The following GOLIM4 variants were observed in gnomAD, a reference collection of about 807,000 sequenced individuals.
GOLIM4 encodes golgi integral membrane protein 4, also known as 130 kDa golgi-localized phosphoprotein.
In GOLIM4, 71 loss-of-function variants were observed where a neutral mutation model predicts 107.4. The ratio of observed to expected loss-of-function variants is 0.66; its 90% confidence interval spans 0.55 to 0.81. GOLIM4 has a LOEUF of 0.81. Among genes scored for constraint, GOLIM4 ranks in the 30% least tolerant of loss-of-function variants. The probability of loss-of-function intolerance (pLI) is 0.00; values close to 1 mark genes in which losing one functional copy is unlikely to be tolerated. For missense variants in GOLIM4, 830 were observed against 826.1 expected (o/e 1.00, Z -0.06); for synonymous variants, 327 against 294.8 (o/e 1.11, Z -1.12).
intron 1 of GOLIM4, among the ~76,000 whole-genome samples, chr3:168,054,627 A>G (rs1443653192): frequency 6.7e-6 from 1 of 150,196 alleles, no homozygotes; most frequent in Non-Finnish European, 1.5e-5. Flanking sequence ...TAATTTATTA[A>G]TTATAAAATA....
At chr3:168,063,365 A>C (rs989182092) in intron 1 of GOLIM4, among the ~76,000 whole-genome samples, 1 of 152,190 alleles carries the variant, frequency 6.6e-6, no homozygotes, top group African/African-American at 2.4e-5. Context: ...TTTGGGATGA[A>C]AGTGAAAGTA....
At chr3:168,084,364 C>A (rs564795379) in intron 1 of GOLIM4, among the ~76,000 whole-genome samples, 89 of 152,288 alleles carry the variant, frequency 5.8e-4, no homozygotes, top group African/African-American at 2.1e-3. Flanking sequence ...TGAGAACAGA[C>A]TAATACACTT....
At chr3:168,088,485 CA>C (rs1220762051) in intron 1 of GOLIM4, among the ~76,000 whole-genome samples, 1 of 152,104 alleles carries the variant, frequency 6.6e-6, no homozygotes, top group Non-Finnish European at 1.5e-5. Flanking sequence ...ATTGCTAACC[CA>C]AATTAAAACA....
At position 168,030,009 on chromosome 3, in the gene GOLIM4, T is replaced by C. The variant is rs758411286; in HGVS notation, c.1204A>G (p.Lys402Glu). 5 of 1,614,174 alleles carry C rather than the reference T, an allele frequency of 3.1e-6. No homozygotes were observed. The highest frequency in any genetic ancestry group is 2.5e-6 in the Non-Finnish European group (3 of 1,180,012). Residue 402 changes from lysine to glutamate, a missense_variant, in exon 10 of 16, where the codon AAA (lysine) becomes GAA (glutamate). Physicochemically the swap from Lys to Glu is moderately conservative, Grantham distance 56. Coordinates refer to ENST00000470487, the MANE Select transcript of GOLIM4 (RefSeq NM_014498.5). ...EVYPSAKPMI[K>E]FQSPYEEQLE... ...TGTTCCTCATAGGGTGATTGGAATT[T>C]GATCATTGGCTTGGCTGAAGGGTAC...
intron 12 of GOLIM4, 35 bp downstream of exon 12, chr3:168,027,693 T>C: frequency 8.1e-7 from 1 of 1,228,974 alleles, no homozygotes; most frequent in East Asian, 2.3e-5. Flanking sequence ...CCTTATGAGT[T>C]TACATGTGTC....
chr3:168,082,197 T>A (rs532339673), intron 1 of GOLIM4, among the ~76,000 whole-genome samples: 4 of 152,168 alleles, frequency 2.6e-5, no homozygotes, highest in Non-Finnish European at 5.9e-5. Flanking sequence ...AGGACGTTCA[T>A]GAACCACCCC....
chr3:168,049,130 G>A (rs539194152), intron 1 of GOLIM4, among the ~76,000 whole-genome samples: 1 of 152,128 alleles, frequency 6.6e-6, no homozygotes, highest in Non-Finnish European at 1.5e-5. Flanking sequence ...ATCCAGAGTC[G>A]CCTGGTGAGC....
intron 1 of GOLIM4, 56 bp downstream of exon 1, chr3:168,095,043 G>T: frequency 7.2e-7 from 1 of 1,395,950 alleles, no homozygotes; most frequent in Non-Finnish European, 1.0e-6. Context: ...TTTCCTGCCC[G>T]GGTGGAGGCG....
chr3:168,025,615 G>GAAA (rs990743395), intron 12 of GOLIM4, among the ~76,000 whole-genome samples: 1 of 152,132 alleles, frequency 6.6e-6, no homozygotes, highest in African/African-American at 2.4e-5. Context: ...AAGGAGACAA[G>GAAA]AAAAAGGCTA....
At chr3:168,053,975 G>C (rs1450271764) in intron 1 of GOLIM4, among the ~76,000 whole-genome samples, 1 of 152,192 alleles carries the variant, frequency 6.6e-6, no homozygotes, top group East Asian at 1.9e-4. Context: ...CCAGTGCCCA[G>C]AAGTAGGGAA....
chr3:168,058,026 T>C (rs1720072906), intron 1 of GOLIM4, among the ~76,000 whole-genome samples: 1 of 152,184 alleles, frequency 6.6e-6, no homozygotes, highest in Non-Finnish European at 1.5e-5. Flanking sequence ...TATGTTGGTG[T>C]GTAGGCTCAC....
At chr3:168,087,813 G>A (rs1049789882) in intron 1 of GOLIM4, among the ~76,000 whole-genome samples, 4 of 152,210 alleles carry the variant, frequency 2.6e-5, no homozygotes, top group Non-Finnish European at 4.4e-5. Flanking sequence ...TCAGATTAAA[G>A]TGCTAGTGTC....
chr3:168,068,745 C>T (rs1361446208), intron 1 of GOLIM4, among the ~76,000 whole-genome samples: 1 of 151,894 alleles, frequency 6.6e-6, no homozygotes, highest in East Asian at 1.9e-4. Context: ...AGAATAAACA[C>T]TAAAATTTTA....
intron 12 of GOLIM4, among the ~76,000 whole-genome samples, chr3:168,026,601 A>T (rs1465738558): frequency 6.6e-6 from 1 of 152,192 alleles, no homozygotes; most frequent in Non-Finnish European, 1.5e-5. Flanking sequence ...TTCCCAAACA[A>T]GTGACTGAAA....
intron 14 of GOLIM4, among the ~76,000 whole-genome samples, chr3:168,020,463 G>A (rs1381327735): frequency 2.6e-5 from 4 of 152,164 alleles, no homozygotes; most frequent in South Asian, 2.1e-4. Flanking sequence ...TAACAGATAA[G>A]ATCAAAATCT....
intron 8 of GOLIM4, among the ~76,000 whole-genome samples, chr3:168,033,332 G>A (rs764991266): frequency 3.3e-4 from 50 of 152,114 alleles, no homozygotes; most frequent in Admixed American, 7.9e-4. Context: ...TTGGCCGGGC[G>A]CGGTGGCTCA....
chr3:168,042,820 T>C (rs141800972), intron 5 of GOLIM4, among the ~76,000 whole-genome samples: 88 of 152,356 alleles, frequency 5.8e-4, no homozygotes, highest in African/African-American at 2.0e-3. Context: ...GATATTTTTA[T>C]GATTATCTCA....
chr3:168,085,420 T>C (rs762326800), intron 1 of GOLIM4, among the ~76,000 whole-genome samples: 3 of 152,196 alleles, frequency 2.0e-5, no homozygotes, highest in Non-Finnish European at 2.9e-5. Flanking sequence ...AAGCCCAAAG[T>C]AGAGAAGACT....
intron 5 of GOLIM4, 114 bp downstream of exon 5, chr3:168,043,265 A>T: frequency 1.4e-6 from 1 of 706,152 alleles, no homozygotes; most frequent in Non-Finnish European, 2.3e-6. Flanking sequence ...CTGGTAAAGG[A>T]CCACATGATA....
Sources: allele counts gnomAD v4.1 joint callset (sites outside exome capture counted in the v4.1 genomes callset), GRCh38; gene constraint gnomAD v4.1.1; transcripts MANE v1.5; gene names NCBI Gene and HGNC (gene_info 2026-07-23, HGNC 2026-07-21).